The following LRRC49 variants were observed in gnomAD, a reference collection of about 807,000 sequenced individuals.
The protein encoded by LRRC49 is leucine rich repeat containing 49.
A neutral mutation model predicts 83.3 loss-of-function variants in LRRC49; 50 were observed. The ratio of observed to expected loss-of-function variants is 0.60; its 90% confidence interval spans 0.48 to 0.76. LRRC49 has a LOEUF of 0.76. Among genes scored for constraint, LRRC49 ranks in the 30% least tolerant of loss-of-function variants. LRRC49 has a pLI of 0.00. For synonymous variants in LRRC49, 286 were observed against 283.3 expected, an observed-to-expected ratio of 1.01 and a Z score of -0.10; for missense variants, 704 against 809.1, an observed-to-expected ratio of 0.87 and a Z score of 1.58.
rs1330192069 is a variant in LRRC49, at chr15:71,052,288, A to G, written c.*2676A>G. ...ATTGCTTTTTTTCAAAAGGGATCTC[A>G]CGCAGAAACACTATTGCATTTGCCT... On this transcript the variant is annotated 3_prime_UTR_variant, in exon 16 of 16. Coordinates refer to ENST00000260382, the MANE Select transcript of LRRC49 (RefSeq NM_017691.5). 1 of 152,198 alleles carries G rather than the reference A, an allele frequency of 6.6e-6. No homozygotes were observed. The highest frequency in any genetic ancestry group is 6.5e-5 in the Admixed American group (1 of 15,286). The allele number at this position is 152,198 out of a possible 1,614,324, so 9.4% of individuals were successfully genotyped here.
intron 14 of LRRC49, among the ~76,000 whole-genome samples, chr15:71,013,751 C>T (rs146992794): frequency 2.0e-5 from 3 of 152,250 alleles, no homozygotes; most frequent in Non-Finnish European, 2.9e-5. Context: ...TATTTGAAAG[C>T]GTTGAGGAAG....
At chr15:70,948,696 C>G (rs1255531443) in intron 8 of LRRC49, among the ~76,000 whole-genome samples, 1 of 152,082 alleles carries the variant, frequency 6.6e-6, no homozygotes, top group African/African-American at 2.4e-5. Flanking sequence ...GCAGTCCTAG[C>G]TCTGGAATCA....
At chr15:70,916,504 A>G (rs969509635) in intron 6 of LRRC49, among the ~76,000 whole-genome samples, 4 of 152,176 alleles carry the variant, frequency 2.6e-5, no homozygotes, top group African/African-American at 9.6e-5. Context: ...CATGTTGGTC[A>G]GGCTGGTCTC....
chr15:70,915,049 G>A (rs1489353792), intron 6 of LRRC49, among the ~76,000 whole-genome samples: 3 of 152,182 alleles, frequency 2.0e-5, no homozygotes, highest in Non-Finnish European at 2.9e-5. Context: ...TTGCTGTGAA[G>A]TATATCAATC....
At chr15:71,032,063 G>A (rs2141291192) in intron 14 of LRRC49, among the ~76,000 whole-genome samples, 2 of 152,270 alleles carry the variant, frequency 1.3e-5, no homozygotes, top group South Asian at 4.1e-4. Flanking sequence ...CCTAAAGCTA[G>A]TTCAATGTCT....
At chr15:70,975,807 A>AT (rs2037185975) in intron 9 of LRRC49, among the ~76,000 whole-genome samples, 1 of 151,978 alleles carries the variant, frequency 6.6e-6, no homozygotes, top group Non-Finnish European at 1.5e-5. Flanking sequence ...AAAAAAAAAA[A>AT]GGAGCTCATC....
At position 70,877,842 on chromosome 15, in the gene LRRC49, C is replaced by T. The variant is rs546508107; in HGVS notation, c.18+4619C>T. ...CTCCAACAGTTTGTTATTTTAAATT[C>T]TTTGTGGCTGGGCGCGGTGGCTCAC... is the stretch of plus-strand genomic sequence containing the variant. On this transcript the variant is annotated intron_variant, in intron 2 of 16. Transcript: ENST00000544974. Among the ~76,000 whole-genome samples the T allele has an allele frequency of 3.9e-5, 6 of 152,308 alleles. No homozygotes were observed. The East Asian group carries it at 1.2e-3, about 29-fold the overall frequency.
chr15:70,997,537 G>A (rs544837506), intron 11 of LRRC49, among the ~76,000 whole-genome samples: 17 of 152,188 alleles, frequency 1.1e-4, no homozygotes, highest in Admixed American at 9.8e-4. Flanking sequence ...GATAACCTGA[G>A]GTCAAGAGTT....
intron 2 of LRRC49, among the ~76,000 whole-genome samples, chr15:70,883,522 TGA>T (rs1286535065): frequency 1.3e-4 from 20 of 152,144 alleles, no homozygotes. Context: ...TTAACTTATT[TGA>T]TATCTTAGCA....
At chr15:71,024,275 G>A (rs574633258) in intron 14 of LRRC49, among the ~76,000 whole-genome samples, 5 of 152,334 alleles carry the variant, frequency 3.3e-5, no homozygotes, top group East Asian at 1.9e-4. Context: ...TTCATTAAGC[G>A]GGTGCTGGAT....
Position 71,049,637 on chromosome 15 carries a change from T to G in LRRC49, c.*25T>G, listed in dbSNP as rs1245003850. The G allele has an allele frequency of 6.5e-7, 1 of 1,532,478 alleles. No individual in the cohort carries two copies. Among genetic ancestry groups the G allele is most frequent in the East Asian group, 2.2e-5 (1 of 44,494 alleles). 94.9% of individuals were successfully genotyped at this position (1,532,478 alleles called of 1,614,324 possible). On this transcript the variant is annotated 3_prime_UTR_variant, in exon 16 of 16. Coordinates refer to ENST00000260382, the MANE Select transcript of LRRC49 (RefSeq NM_017691.5). ...AAAATGGCCTTTAGTTACAGTTGATTTTGGCAGTTTTATTTTTTGAAGGTT... is the reference window on the plus strand; with the variant it reads ...AAAATGGCCTTTAGTTACAGTTGATGTTGGCAGTTTTATTTTTTGAAGGTT...
rs542548868 is a variant in LRRC49 at position 70,879,953 on chromosome 15, A to G, written c.18+6730A>G. On this transcript the variant is annotated intron_variant, in intron 2 of 16. Transcript: ENST00000544974. Reference sequence around the variant, plus strand: ...TAAAATAGAATTTAAGCCCAGAATAAAACAAAAATTCCAGATTGTAGCCTC... The same window carrying G: ...TAAAATAGAATTTAAGCCCAGAATAGAACAAAAATTCCAGATTGTAGCCTC... 4.1e-4 allele frequency among the ~76,000 whole-genome samples: 62 copies of G among 152,344 alleles called. 2 individuals are homozygous for G. Among genetic ancestry groups the G allele is most frequent in the Admixed American group, 3.7e-3 (57 of 15,302 alleles).
chr15:70,900,856 G>T (rs2034043154), intron 3 of LRRC49, 66 bp from the exon 4 acceptor site: 12 of 875,196 alleles, frequency 1.4e-5, no homozygotes, highest in Non-Finnish European at 1.9e-5. Flanking sequence ...CCAAATATAA[G>T]ATGACTTTAG....
chr15:70,943,767 T>C (rs1479134675), intron 8 of LRRC49, among the ~76,000 whole-genome samples: 1 of 152,216 alleles, frequency 6.6e-6, no homozygotes, highest in Non-Finnish European at 1.5e-5. Flanking sequence ...CAGTAGATCT[T>C]ATTGGGAAAC....
intron 7 of LRRC49, among the ~76,000 whole-genome samples, chr15:70,924,241 GC>G (rs2035112916): frequency 2.6e-5 from 4 of 151,768 alleles, no homozygotes; most frequent in Admixed American, 2.6e-4. Flanking sequence ...AGAATGCATA[GC>G]CCCCCTTTTA....
At position 70,893,597 on chromosome 15, in the gene LRRC49, T is replaced by G. The variant is rs202088478; in HGVS notation, c.62T>G (p.Leu21Arg). 1 of 1,611,038 alleles carries G rather than the reference T, an allele frequency of 6.2e-7. No individual in the cohort carries two copies. The highest frequency in any genetic ancestry group is 8.5e-7 in the Non-Finnish European group (1 of 1,178,150). ...TTTACATTTCAGGTGAACTGCGGGC[T>G]TCATCTGGTTATTCAAACATCATCG... is the stretch of plus-strand genomic sequence containing the variant. ...GRAANNVNCG[L>R]HLVIQTSSLP... is the part of the protein sequence containing the mutation. The change falls in exon 2 of 16, where the codon CTT becomes CGT. Residue 21 changes from leucine (L) to arginine (R), a missense_variant. By Grantham distance (102) the Leu-to-Arg change is moderately radical (BLOSUM62 -2). Around this residue, in one of 3 missense-constraint regions of LRRC49, gnomAD observed 261 missense variants for 330.5 expected, o/e 0.79. Transcript: ENST00000260382.
chr15:71,033,723 A>G (rs2039430977), intron 14 of LRRC49, among the ~76,000 whole-genome samples: 1 of 152,184 alleles, frequency 6.6e-6, no homozygotes, highest in Non-Finnish European at 1.5e-5. Flanking sequence ...GAAATCTCAG[A>G]AATAAGACCA....
intron 2 of LRRC49, among the ~76,000 whole-genome samples, chr15:70,875,364 G>A (rs1273322538): frequency 1.3e-5 from 2 of 152,194 alleles, no homozygotes; most frequent in African/African-American, 4.8e-5. Flanking sequence ...GTAAGGGGTT[G>A]ATGGGTTATA....
In LRRC49 at chr15:71,049,454, C is replaced by A; in HGVS notation, c.1903C>A (p.Leu635Ile). ...KKFCKTYIED[L>I]VKEATEINMK... ...ATTCTGTAAAACATATATAGAAGAC[C>A]TTGTGAAGGAAGCCACAGAAATCAA... The change falls in exon 16 of 16, where the codon CTT becomes ATT. Residue 635 changes from leucine to isoleucine, a missense_variant. Leu to Ile is a conservative substitution (Grantham distance 5, BLOSUM62 2). Around this residue, in one of 3 missense-constraint regions of LRRC49, gnomAD observed 275 missense variants for 338.0 expected, o/e 0.81. Coordinates refer to ENST00000260382, the MANE Select transcript of LRRC49 (RefSeq NM_017691.5). 6.2e-7 allele frequency: 1 copy of A among 1,612,764 alleles called. No individual in the cohort carries two copies. Among genetic ancestry groups the A allele is most frequent in the Middle Eastern group, 1.7e-4 (1 of 6,058 alleles).
Sources: allele counts gnomAD v4.1 joint callset (sites outside exome capture counted in the v4.1 genomes callset), GRCh38; gene constraint gnomAD v4.1.1; regional missense constraint gnomAD v4.1.1; transcripts MANE v1.5; gene names NCBI Gene and HGNC (gene_info 2026-07-23, HGNC 2026-07-21).